Variants in ADGRB3 observed in about 807,000 individuals in gnomAD.
ADGRB3 encodes the protein brain-specific angiogenesis inhibitor 3.
A neutral mutation model predicts 193.4 loss-of-function variants in ADGRB3; 37 were observed. The ratio of observed to expected loss-of-function variants is 0.19; its 90% CI spans 0.15 to 0.25. The LOEUF is 0.25. Among genes scored for constraint, ADGRB3 ranks in the 10% least tolerant of loss-of-function variants. The pLI is 1.00. For synonymous variants in ADGRB3, 690 were observed against 644.2 expected (o/e 1.07, Z -1.08); for missense variants, 1,637 against 1,852.9 (o/e 0.88, Z 2.14).
At chr6:69,220,019 C>G (rs938450112) in intron 17 of ADGRB3, among the ~76,000 whole-genome samples, 3 of 151,928 alleles carry the variant, frequency 2.0e-5, no homozygotes, top group African/African-American at 7.2e-5. Flanking sequence ...ATGCTTGAAG[C>G]TTTCCCACAG....
intron 17 of ADGRB3, among the ~76,000 whole-genome samples, chr6:69,143,231 A>T (rs564898427): frequency 7.9e-5 from 12 of 151,836 alleles, no homozygotes; most frequent in Non-Finnish European, 1.3e-4. Flanking sequence ...TTGAATTCAC[A>T]GATTTTTTTT....
chr6:68,714,611 G>A (rs551067665), intron 3 of ADGRB3, among the ~76,000 whole-genome samples: 1 of 151,744 alleles, frequency 6.6e-6, no homozygotes, highest in South Asian at 2.1e-4. Context: ...AAGATAAAGG[G>A]AAAAATACTG....
At chr6:68,973,478 A>G (rs1768646164) in intron 8 of ADGRB3, among the ~76,000 whole-genome samples, 1 of 152,196 alleles carries the variant, frequency 6.6e-6, no homozygotes, top group African/African-American at 2.4e-5. Flanking sequence ...AAATTCTGAA[A>G]TGGAATTGGT....
At chr6:69,085,442 C>A (rs1005395182) in intron 17 of ADGRB3, among the ~76,000 whole-genome samples, 1 of 151,570 alleles carries the variant, frequency 6.6e-6, no homozygotes, top group African/African-American at 2.4e-5. Flanking sequence ...AAGGATAGGC[C>A]CCTGGGTAAC....
intron 20 of ADGRB3, among the ~76,000 whole-genome samples, chr6:69,269,661 G>A (rs1767130533): frequency 6.6e-6 from 1 of 152,134 alleles, no homozygotes; most frequent in East Asian, 1.9e-4. Flanking sequence ...TGTGCCCACA[G>A]CAATAATTAG....
chr6:69,368,943 G>T (rs144990210), intron 29 of ADGRB3, among the ~76,000 whole-genome samples: 57 of 152,156 alleles, frequency 3.7e-4, no homozygotes, highest in African/African-American at 1.3e-3. Flanking sequence ...GAAGAGGAAA[G>T]AGCATAGAAG....
At chr6:69,084,257 T>C (rs1772484411) in intron 17 of ADGRB3, among the ~76,000 whole-genome samples, 1 of 152,138 alleles carries the variant, frequency 6.6e-6, no homozygotes, top group Non-Finnish European at 1.5e-5. Flanking sequence ...AACTATGACA[T>C]GAAAACTAAA....
intron 12 of ADGRB3, among the ~76,000 whole-genome samples, chr6:69,017,742 T>C (rs1770138277): frequency 6.6e-6 from 1 of 151,918 alleles, no homozygotes; most frequent in African/African-American, 2.4e-5. Context: ...CAATATGGCC[T>C]TAGGTATGCT....
Position 69,261,315 on chromosome 6 carries a change from G to A in ADGRB3, c.2814+22089G>A, listed in dbSNP as rs183811211. ...CATAAGTTCAGCTTGCAAGAGATTTGTAGGTTTTATAAGCAGAATGAAAAA... is the reference window on the plus strand; with the variant it reads ...CATAAGTTCAGCTTGCAAGAGATTTATAGGTTTTATAAGCAGAATGAAAAA... On this transcript the variant is annotated intron_variant, in intron 20 of 31. Transcript: ENST00000370598. 4.6e-5 allele frequency among the ~76,000 whole-genome samples: 7 copies of A among 152,160 alleles called. No homozygotes were observed. In the East Asian group the frequency reaches 1.3e-3, roughly 29 times the overall value.
intron 20 of ADGRB3, among the ~76,000 whole-genome samples, chr6:69,312,587 G>T (rs1015106038): frequency 6.6e-6 from 1 of 151,620 alleles, no homozygotes; most frequent in Admixed American, 6.6e-5. Flanking sequence ...TTTAAAAAAG[G>T]AGGCATTTTT....
At chr6:69,232,737 G>C (rs1582564260) in intron 17 of ADGRB3, 2 of 978,904 alleles carry the variant, frequency 2.0e-6, no homozygotes, top group East Asian at 5.3e-5. Context: ...TTTCACAGCA[G>C]CTATTCTAAA....
chr6:68,925,723 T>G (rs913367695), intron 3 of ADGRB3, among the ~76,000 whole-genome samples: 1 of 151,940 alleles, frequency 6.6e-6, no homozygotes, highest in Non-Finnish European at 1.5e-5. Context: ...AAAAAATGAG[T>G]CTCAAATGTA....
At chr6:68,970,959 A>G (rs1231362874) in intron 8 of ADGRB3, among the ~76,000 whole-genome samples, 1 of 152,208 alleles carries the variant, frequency 6.6e-6, no homozygotes, top group Non-Finnish European at 1.5e-5. Context: ...CAAGGAGAGG[A>G]AACAAGCAGC....
intron 5 of ADGRB3, among the ~76,000 whole-genome samples, chr6:68,943,292 CA>C (rs780939091): frequency 1.1e-4 from 17 of 151,950 alleles, no homozygotes; most frequent in Non-Finnish European, 2.2e-4. Context: ...TTTTAAATGG[CA>C]AAAAATCTAT....
chr6:68,963,573 A>G, intron 8 of ADGRB3, among the ~76,000 whole-genome samples: 1 of 152,106 alleles, frequency 6.6e-6, no homozygotes, highest in East Asian at 1.9e-4. Flanking sequence ...ATTTGTTCAT[A>G]TGTGATAGAA....
rs188360127 is a variant in ADGRB3 at position 68,714,666 on chromosome 6, A to G, written c.757+75234A>G. Among the ~76,000 whole-genome samples the G allele has an allele frequency of 1.3e-4, 20 of 152,010 alleles. No homozygotes were observed. In the East Asian group the frequency reaches 3.9e-3, roughly 29 times the overall value. On this transcript the variant is annotated intron_variant, in intron 3 of 31. Coordinates refer to ENST00000370598, the MANE Select transcript of ADGRB3 (RefSeq NM_001704.3). Reference sequence around the variant, plus strand: ...AACTTGTGAGAGAATAAATTTTATAATTTGATATATGGTATATCTCAGGAA... The same window carrying G: ...AACTTGTGAGAGAATAAATTTTATAGTTTGATATATGGTATATCTCAGGAA...
intron 4 of ADGRB3, among the ~76,000 whole-genome samples, chr6:68,932,659 A>G (rs1932612): frequency 0.81 from 122,593 of 151,570 alleles, 50,382 homozygotes; most frequent in Non-Finnish European, 0.88. Context: ...GTCACACAAT[A>G]AAATTTTACA....
intron 3 of ADGRB3, among the ~76,000 whole-genome samples, chr6:68,700,833 AG>A: frequency 1.4e-5 from 1 of 71,808 alleles, no homozygotes; most frequent in South Asian, 6.1e-4. Flanking sequence ...GGGTGGGGGG[AG>A]GGGGGAGGGA....
chr6:69,204,687 C>T (rs1294925067), intron 17 of ADGRB3, among the ~76,000 whole-genome samples: 1 of 152,126 alleles, frequency 6.6e-6, no homozygotes, highest in Non-Finnish European at 1.5e-5. Context: ...TTATTTTTTA[C>T]AAAACATTTT....
Sources: allele counts gnomAD v4.1 joint callset (sites outside exome capture counted in the v4.1 genomes callset), GRCh38; gene constraint gnomAD v4.1.1; transcripts MANE v1.5; gene names NCBI Gene and HGNC (gene_info 2026-07-23, HGNC 2026-07-21).